TRIO: variants seen among roughly 807,000 people sequenced by gnomAD.
TRIO encodes the protein trio Rho guanine nucleotide exchange factor.
Under a neutral mutation model 351.9 loss-of-function variants are expected in TRIO, and 58 were observed. That is an observed-to-expected ratio of 0.16 (90% confidence interval 0.13 to 0.21). The LOEUF (loss-of-function observed/expected upper bound fraction) is 0.21. Ranked by LOEUF, TRIO falls within the 10% of genes least tolerant of loss-of-function variation. TRIO has a pLI of 1.00. For missense variants in TRIO, 3,201 were observed against 4,027.8 expected, an observed-to-expected ratio of 0.79 and a Z score of 5.56; for synonymous variants, 1,758 against 1,595.7, an observed-to-expected ratio of 1.10 and a Z score of -2.42.
Position 14,508,532 on chromosome 5 carries a change from G to A in TRIO, c.*110G>A, listed in dbSNP as rs1054959016. 1.5e-6 allele frequency: 2 copies of A among 1,351,520 alleles called. No homozygotes were observed. The highest frequency in any genetic ancestry group is 2.0e-6 in the Non-Finnish European group (2 of 991,234). 83.7% of individuals were successfully genotyped at this position (1,351,520 alleles called of 1,614,324 possible). On this transcript the variant is annotated 3_prime_UTR_variant, in exon 57 of 57. Coordinates refer to ENST00000344204, the MANE Select transcript of TRIO (RefSeq NM_007118.4). ...CTGATCAGCTGCCGGTATGTTCATC[G>A]TGTGAAATTGCATTCCAAGTGAGCT... is the stretch of plus-strand genomic sequence containing the variant.
chr5:14,472,679 A>C (rs755917291), intron 39 of TRIO, 21 bp downstream of exon 39: 1 of 1,612,812 alleles, frequency 6.2e-7, no homozygotes, highest in Non-Finnish European at 8.5e-7. Flanking sequence ...CCAGAAATTT[A>C]GTATCTTCGT....
At chr5:14,191,045 G>A (rs1790427325) in intron 1 of TRIO, among the ~76,000 whole-genome samples, 1 of 152,170 alleles carries the variant, frequency 6.6e-6, no homozygotes, top group Non-Finnish European at 1.5e-5. Flanking sequence ...GAATACCACA[G>A]CCTCTGCTGT....
intron 1 of TRIO, among the ~76,000 whole-genome samples, chr5:14,232,650 T>C (rs1793515723): frequency 6.6e-6 from 1 of 152,108 alleles, no homozygotes; most frequent in Non-Finnish European, 1.5e-5. Context: ...ACACACAGAG[T>C]AGATAATGAG....
Position 14,381,397 on chromosome 5 carries a change from G to C in TRIO, c.3570+145G>C, listed in dbSNP as rs1016894738. 6.9e-6 allele frequency: 7 copies of C among 1,008,668 alleles called. No homozygotes were observed. In the Admixed American group the frequency reaches 9.9e-5, roughly 14 times the overall value. 62.5% of individuals were successfully genotyped at this position (1,008,668 alleles called of 1,614,324 possible). A position where few individuals can be genotyped will look rare whatever the true frequency, so the allele number is the denominator to read the frequency against. ...TAACTGGAGGATGCTTCCTCCTTCC[G>C]TTCACGTGTGTCCCTCCGTGTCCTC... is the stretch of plus-strand genomic sequence containing the variant. On this transcript the variant is annotated intron_variant, in intron 21 of 56. Coordinates refer to ENST00000344204, the MANE Select transcript of TRIO (RefSeq NM_007118.4).
intron 4 of TRIO, 168 bp downstream of exon 4, chr5:14,287,231 C>T (rs1445578305): frequency 7.4e-6 from 5 of 672,686 alleles, no homozygotes; most frequent in Admixed American, 6.1e-5. Context: ...AACAGAGCTG[C>T]GTTCATCATC....
intron 48 of TRIO, among the ~76,000 whole-genome samples, chr5:14,489,893 C>A (rs776161725): frequency 2.6e-5 from 4 of 152,164 alleles, no homozygotes; most frequent in Non-Finnish European, 5.9e-5. Context: ...GGAAAGGGAA[C>A]TTGCTGAACA....
intron 1 of TRIO, among the ~76,000 whole-genome samples, chr5:14,225,792 A>ACCCCCCCCCCC: frequency 1.3e-5 from 1 of 78,114 alleles, no homozygotes; most frequent in African/African-American, 5.2e-5. Flanking sequence ...CACTGCTCCC[A>ACCCCCCCCCCC]CCCCCCCCCC....
intron 1 of TRIO, among the ~76,000 whole-genome samples, chr5:14,227,673 A>G (rs1051494451): frequency 6.6e-6 from 1 of 152,354 alleles, no homozygotes; most frequent in East Asian, 1.9e-4. Flanking sequence ...GTTTTTCACT[A>G]AGTACAAGTA....
At chr5:14,155,724 CAT>C (rs1788064290) in intron 1 of TRIO, among the ~76,000 whole-genome samples, 2 of 152,344 alleles carry the variant, frequency 1.3e-5, no homozygotes, top group South Asian at 4.1e-4. Flanking sequence ...TGTCTGGGAA[CAT>C]GTGATATCCA....
intron 9 of TRIO, among the ~76,000 whole-genome samples, chr5:14,327,512 GC>G (rs1740493460): frequency 6.6e-6 from 1 of 152,010 alleles, no homozygotes; most frequent in Non-Finnish European, 1.5e-5. Flanking sequence ...GCTTCCTCTG[GC>G]CCTTTCTACC....
intron 1 of TRIO, among the ~76,000 whole-genome samples, chr5:14,237,631 A>G (rs1048627379): frequency 3.3e-5 from 5 of 152,204 alleles, no homozygotes; most frequent in African/African-American, 4.8e-5. Context: ...CTTGACACAG[A>G]TGGAAGTGAA....
intron 11 of TRIO, among the ~76,000 whole-genome samples, chr5:14,354,209 C>T (rs939504065): frequency 1.3e-5 from 2 of 152,214 alleles, no homozygotes; most frequent in South Asian, 2.1e-4. Flanking sequence ...GGCCCTGTTA[C>T]GAGGTGTGTC....
chr5:14,420,212 G>A (rs950246957), intron 34 of TRIO, 191 bp downstream of exon 34: 7 of 827,798 alleles, frequency 8.5e-6, no homozygotes, highest in East Asian at 2.8e-5. Flanking sequence ...TTTCACCCAC[G>A]ACTCAGAAAT....
chr5:14,197,318 A>G (rs531577108), intron 1 of TRIO, among the ~76,000 whole-genome samples: 75 of 152,154 alleles, frequency 4.9e-4, no homozygotes, highest in African/African-American at 1.8e-3. Context: ...TGTCTGTCTT[A>G]TCCCCAGCTC....
intron 34 of TRIO, among the ~76,000 whole-genome samples, chr5:14,449,755 CTCTT>C (rs1220857898): frequency 6.6e-6 from 1 of 152,212 alleles, no homozygotes; most frequent in Non-Finnish European, 1.5e-5. Context: ...AGTAATTGGA[CTCTT>C]TCTTCATTTA....
intron 28 of TRIO, 33 bp from the exon 29 acceptor site, chr5:14,397,010 T>C: frequency 6.4e-7 from 1 of 1,565,102 alleles, no homozygotes; most frequent in South Asian, 1.2e-5. Flanking sequence ...CATTCTGCAG[T>C]CTTTACCTAG....
At chr5:14,284,137 G>T (rs1238565349) in intron 3 of TRIO, among the ~76,000 whole-genome samples, 1 of 152,116 alleles carries the variant, frequency 6.6e-6, no homozygotes, top group African/African-American at 2.4e-5. Flanking sequence ...CTCTAGGAAC[G>T]AAACAAGTAG....
At chr5:14,152,051 T>TTA (rs1787872718) in intron 1 of TRIO, among the ~76,000 whole-genome samples, 1 of 152,188 alleles carries the variant, frequency 6.6e-6, no homozygotes, top group Admixed American at 6.5e-5. Context: ...GACTGGAGTG[T>TTA]TATATATATT....
chr5:14,250,103 A>G (rs1794652973), intron 1 of TRIO, among the ~76,000 whole-genome samples: 3 of 152,216 alleles, frequency 2.0e-5, no homozygotes, highest in Admixed American at 2.0e-4. Context: ...AGGGCAATTT[A>G]CACCGACAGA....
Sources: allele counts gnomAD v4.1 joint callset (sites outside exome capture counted in the v4.1 genomes callset), GRCh38; gene constraint gnomAD v4.1.1; transcripts MANE v1.5; gene names NCBI Gene and HGNC (gene_info 2026-07-23, HGNC 2026-07-21).